Variants in SYT1 observed in about 807,000 individuals in gnomAD.
SYT1 encodes synaptotagmin 1, also known as synaptotagmin-1.
SYT1 carries 8 observed loss-of-function variants against 44.8 expected under a neutral mutation model. The ratio of observed to expected loss-of-function variants is 0.18; its 90% CI spans 0.10 to 0.32. SYT1 has a LOEUF of 0.32. SYT1 is among the 10% of genes least tolerant of loss of function. The pLI, the probability that SYT1 is intolerant of heterozygous loss-of-function variation, is 1.00. For synonymous variants in SYT1, 154 were observed against 188.8 expected (o/e 0.82, Z 1.51); for missense variants, 286 against 509.3 (o/e 0.56, Z 4.22).
chr12:79,023,335 C>T (rs1182291249), intron 2 of SYT1, among the ~76,000 whole-genome samples: 1 of 151,808 alleles, frequency 6.6e-6, no homozygotes, highest in Admixed American at 6.6e-5. Context: ...GCTTCTGTCT[C>T]CCACAAAACC....
intron 8 of SYT1, among the ~76,000 whole-genome samples, chr12:79,329,636 A>T (rs2139007779): frequency 6.6e-6 from 1 of 152,182 alleles, no homozygotes; most frequent in East Asian, 1.9e-4. Flanking sequence ...TATTATCCCC[A>T]TTTTATACAA....
At chr12:79,374,540 G>A (rs542054568) in intron 9 of SYT1, among the ~76,000 whole-genome samples, 3 of 151,742 alleles carry the variant, frequency 2.0e-5, no homozygotes, top group Non-Finnish European at 2.9e-5. Flanking sequence ...AAATAATGCC[G>A]GGTTTTAAAA....
At chr12:78,933,097 C>T (rs1877846269) in intron 1 of SYT1, among the ~76,000 whole-genome samples, 1 of 152,160 alleles carries the variant, frequency 6.6e-6, no homozygotes, top group Non-Finnish European at 1.5e-5. Flanking sequence ...TTTTAACTTA[C>T]TCTTCTCGAC....
chr12:79,136,486 G>A (rs1869197648), intron 3 of SYT1, among the ~76,000 whole-genome samples: 1 of 151,866 alleles, frequency 6.6e-6, no homozygotes, highest in South Asian at 2.1e-4. Flanking sequence ...GCATGTGCTG[G>A]GTAAAATAGT....
At chr12:79,085,684 T>A (rs1877334472) in intron 3 of SYT1, among the ~76,000 whole-genome samples, 1 of 152,114 alleles carries the variant, frequency 6.6e-6, no homozygotes, top group Non-Finnish European at 1.5e-5. Context: ...GCTTCACCTC[T>A]CCAGGCTCCA....
intron 3 of SYT1, among the ~76,000 whole-genome samples, chr12:79,141,468 T>C (rs1287850989): frequency 6.6e-6 from 1 of 152,060 alleles, no homozygotes; most frequent in Admixed American, 6.6e-5. Context: ...ATTCATTTTG[T>C]TTTCTTCCAT....
intron 4 of SYT1, among the ~76,000 whole-genome samples, chr12:79,227,997 A>G (rs1472773558): frequency 3.3e-5 from 5 of 151,630 alleles, no homozygotes; most frequent in African/African-American, 1.2e-4. Context: ...AGAGAAGGTA[A>G]ATTCTCTCTT....
At chr12:79,063,622 G>A (rs1875546357) in intron 3 of SYT1, among the ~76,000 whole-genome samples, 1 of 152,040 alleles carries the variant, frequency 6.6e-6, no homozygotes, top group African/African-American at 2.4e-5. Flanking sequence ...ATTATAATGG[G>A]TAATAAGTAC....
Position 78,965,528 on chromosome 12 carries a change from C to G in SYT1, c.-216-12271C>G, listed in dbSNP as rs1029144916. On this transcript the variant is annotated intron_variant, in intron 1 of 10. Coordinates refer to ENST00000261205, the MANE Select transcript of SYT1 (RefSeq NM_005639.3). ...CTCAAATCTACATCTAGTGCTAATA[C>G]TTACAATCTTTACAATTATAACCTA... Among the ~76,000 whole-genome samples, 3 of 152,184 alleles carry G rather than the reference C, an allele frequency of 2.0e-5. No homozygotes were observed. In the East Asian group the frequency reaches 5.8e-4, roughly 29 times the overall value.
At chr12:78,937,085 A>C (rs1008709006) in intron 1 of SYT1, among the ~76,000 whole-genome samples, 3 of 152,220 alleles carry the variant, frequency 2.0e-5, no homozygotes, top group African/African-American at 7.2e-5. Context: ...TTTTGCAATT[A>C]CAAGTTTTCT....
chr12:78,953,934 T>C (rs921313970), intron 1 of SYT1, among the ~76,000 whole-genome samples: 54 of 152,106 alleles, frequency 3.6e-4, no homozygotes, highest in African/African-American at 1.3e-3. Context: ...GATATTTATA[T>C]GTCTACTAAC....
chr12:79,442,712 G>A (rs1029261352), intron 9 of SYT1, among the ~76,000 whole-genome samples: 1 of 152,074 alleles, frequency 6.6e-6, no homozygotes, highest in African/African-American at 2.4e-5. Context: ...GTTCTACTGG[G>A]GATAGGGAGA....
At chr12:79,123,821 T>C (rs1868325562) in intron 3 of SYT1, among the ~76,000 whole-genome samples, 1 of 152,174 alleles carries the variant, frequency 6.6e-6, no homozygotes, top group East Asian at 1.9e-4. Context: ...ATTAGTTCTT[T>C]ATTTCATTGA....
chr12:78,956,582 A>G (rs548730251), intron 1 of SYT1, among the ~76,000 whole-genome samples: 1 of 138,804 alleles, frequency 7.2e-6, no homozygotes, highest in Non-Finnish European at 1.6e-5. Flanking sequence ...ATAGGCATCA[A>G]AAATGAAAAA....
chr12:79,217,761 C>T lies in SYT1; in HGVS notation c.166+76C>T, dbSNP rs115520010. On this transcript the variant is annotated intron_variant, in intron 4 of 10. Coordinates refer to ENST00000261205, the MANE Select transcript of SYT1 (RefSeq NM_005639.3). The stretch of plus-strand genomic sequence containing the variant: ...CCCATCCATTGGAAAGAAAGTAGAA[C>T]TCCGTTTGATATACTATAAATTTAC... 1.8e-3 allele frequency: 2,288 copies of T among 1,244,146 alleles called. 28 individuals carry two copies. In the African/African-American group the frequency reaches 0.032, roughly 17 times the overall value. The allele number at this position is 1,244,146 out of a possible 1,614,324, so 77.1% of individuals were successfully genotyped here. A position where few individuals can be genotyped will look rare whatever the true frequency, so the allele number is the denominator to read the frequency against.
At chr12:79,125,335 G>A (rs1230941124) in intron 3 of SYT1, among the ~76,000 whole-genome samples, 1 of 151,870 alleles carries the variant, frequency 6.6e-6, no homozygotes, top group African/African-American at 2.4e-5. Flanking sequence ...CAGAGGCTGG[G>A]CGCAGTAGCA....
intron 3 of SYT1, among the ~76,000 whole-genome samples, chr12:79,179,537 A>ATAGATATG (rs1872367815): frequency 5.6e-4 from 12 of 21,438 alleles, no homozygotes; most frequent in African/African-American, 7.7e-4. Flanking sequence ...ATATAGATAT[A>ATAGATATG]GATATAGAGA....
chr12:79,092,534 A>C (rs750592246), intron 3 of SYT1, among the ~76,000 whole-genome samples: 2 of 151,486 alleles, frequency 1.3e-5, no homozygotes, highest in Non-Finnish European at 3.0e-5. Flanking sequence ...GGAAAATGAA[A>C]CATGAAAGAA....
intron 4 of SYT1, among the ~76,000 whole-genome samples, chr12:79,277,145 G>A (rs762049270): frequency 3.3e-5 from 5 of 151,932 alleles, no homozygotes; most frequent in Non-Finnish European, 7.4e-5. Context: ...AAGAACTCCT[G>A]GGAGATACAT....
Sources: allele counts gnomAD v4.1 joint callset (sites outside exome capture counted in the v4.1 genomes callset), GRCh38; gene constraint gnomAD v4.1.1; transcripts MANE v1.5; gene names NCBI Gene and HGNC (gene_info 2026-07-23, HGNC 2026-07-21).